The following CMSS1 variants were observed in gnomAD, a reference collection of about 807,000 sequenced individuals.
The protein encoded by CMSS1 is cms1 ribosomal small subunit homolog.
Under a neutral mutation model 43.5 loss-of-function variants are expected in CMSS1, and 33 were observed. That is an observed-to-expected ratio of 0.76 (90% CI 0.57 to 1.01). The LOEUF (loss-of-function observed/expected upper bound fraction) is 1.01, where lower values mean the gene tolerates loss of function less well. Ranked by LOEUF, CMSS1 falls within the 50% of genes least tolerant of loss-of-function variation. The pLI is 0.00. For synonymous variants in CMSS1, 115 were observed against 117.2 expected, an observed-to-expected ratio of 0.98 and a Z score of 0.12; for missense variants, 313 against 326.4, an observed-to-expected ratio of 0.96 and a Z score of 0.32.
chr3:99,883,202 A>G (rs1034594302), intron 1 of CMSS1, among the ~76,000 whole-genome samples: 1 of 152,236 alleles, frequency 6.6e-6, no homozygotes, highest in Non-Finnish European at 1.5e-5. Flanking sequence ...TCAGTGCCGA[A>G]CAGCTCCAGA....
chr3:100,010,739 T>A (rs569673211), intron 1 of CMSS1, among the ~76,000 whole-genome samples: 29 of 150,418 alleles, frequency 1.9e-4, no homozygotes, highest in African/African-American at 7.1e-4. Context: ...CTCAGCCTCC[T>A]GAGTAGCTGG....
intron 1 of CMSS1, among the ~76,000 whole-genome samples, chr3:99,833,874 T>C (rs1361238284): frequency 2.6e-5 from 4 of 152,268 alleles, no homozygotes; most frequent in African/African-American, 4.8e-5. Context: ...CCATGTGTTA[T>C]CAGAATTGAC....
chr3:99,879,418 A>T (rs905003291), intron 1 of CMSS1, among the ~76,000 whole-genome samples: 5 of 152,224 alleles, frequency 3.3e-5, no homozygotes, highest in Non-Finnish European at 5.9e-5. Flanking sequence ...CATAATTACA[A>T]CATCATCATT....
At chr3:99,989,067 A>C (rs1332756707) in intron 1 of CMSS1, among the ~76,000 whole-genome samples, 2 of 152,190 alleles carry the variant, frequency 1.3e-5, no homozygotes, top group African/African-American at 2.4e-5. Context: ...TCATAAACTT[A>C]CTTAGCATTT....
chr3:100,173,241 A>T (rs775193840), intron 8 of CMSS1, among the ~76,000 whole-genome samples: 1 of 152,178 alleles, frequency 6.6e-6, no homozygotes, highest in Non-Finnish European at 1.5e-5. Context: ...TTTTGTACAA[A>T]TACCAACAAC....
intron 1 of CMSS1, among the ~76,000 whole-genome samples, chr3:99,968,817 G>A (rs78933188): frequency 0.014 from 2,158 of 152,252 alleles, 30 homozygotes; most frequent in Non-Finnish European, 0.023. Flanking sequence ...CAGTGGCCAG[G>A]GCAGAATGAC....
chr3:99,915,187 A>G (rs976587687), intron 1 of CMSS1, among the ~76,000 whole-genome samples: 2 of 152,166 alleles, frequency 1.3e-5, no homozygotes, highest in African/African-American at 4.8e-5. Flanking sequence ...TCCCATGACC[A>G]TGCTAACCGA....
intron 1 of CMSS1, among the ~76,000 whole-genome samples, chr3:100,131,576 C>G (rs1239827864): frequency 6.6e-6 from 1 of 152,162 alleles, no homozygotes; most frequent in Non-Finnish European, 1.5e-5. Context: ...TCTACTGACC[C>G]CCATCCAGCC....
At chr3:100,012,279 A>G (rs1351970017) in intron 1 of CMSS1, among the ~76,000 whole-genome samples, 2 of 152,202 alleles carry the variant, frequency 1.3e-5, no homozygotes, top group Non-Finnish European at 1.5e-5. Context: ...TTGTCAACCA[A>G]TTAGAAGGCC....
At chr3:99,895,563 A>G (rs1028475666) in intron 1 of CMSS1, among the ~76,000 whole-genome samples, 3 of 152,188 alleles carry the variant, frequency 2.0e-5, no homozygotes, top group African/African-American at 4.8e-5. Context: ...TTAGTTCACA[A>G]TAGCATAACT....
At chr3:100,134,380 T>A (rs916971232) in intron 1 of CMSS1, among the ~76,000 whole-genome samples, 5 of 152,160 alleles carry the variant, frequency 3.3e-5, no homozygotes, top group African/African-American at 1.2e-4. Context: ...TTGCTCAGGA[T>A]CACAAAAATT....
intron 1 of CMSS1, among the ~76,000 whole-genome samples, chr3:99,862,027 T>C (rs1432549261): frequency 2.0e-5 from 3 of 152,158 alleles, no homozygotes; most frequent in Admixed American, 6.5e-5. Flanking sequence ...GCACAATACA[T>C]GTCCGTTCTC....
chr3:99,984,868 T>C (rs1196474507), intron 1 of CMSS1, among the ~76,000 whole-genome samples: 1 of 152,142 alleles, frequency 6.6e-6, no homozygotes, highest in Non-Finnish European at 1.5e-5. Flanking sequence ...CAAAGCACAG[T>C]ATATAGATAT....
At chr3:100,054,711 G>C (rs1224401133) in intron 1 of CMSS1, among the ~76,000 whole-genome samples, 1 of 152,092 alleles carries the variant, frequency 6.6e-6, no homozygotes, top group Non-Finnish European at 1.5e-5. Context: ...CCTCTGGGCT[G>C]CACTGTCTTT....
At chr3:100,036,878 G>C (rs1048701709) in intron 1 of CMSS1, among the ~76,000 whole-genome samples, 33 of 152,088 alleles carry the variant, frequency 2.2e-4, no homozygotes, top group Non-Finnish European at 4.3e-4. Flanking sequence ...AGAAAGATAC[G>C]TTATTTCTGT....
intron 1 of CMSS1, among the ~76,000 whole-genome samples, chr3:99,963,458 G>C (rs940294454): frequency 4.6e-5 from 7 of 152,298 alleles, no homozygotes; most frequent in Non-Finnish European, 7.3e-5. Flanking sequence ...GACGGTCTCT[G>C]TGGGTCCAAA....
intron 1 of CMSS1, among the ~76,000 whole-genome samples, chr3:100,058,642 A>C (rs2065506670): frequency 6.6e-6 from 1 of 152,166 alleles, no homozygotes. Context: ...TAAATTCCCA[A>C]GCACCTCACC....
chr3:99,934,683 A>C (rs1707601735), intron 1 of CMSS1, among the ~76,000 whole-genome samples: 1 of 152,152 alleles, frequency 6.6e-6, no homozygotes, highest in South Asian at 2.1e-4. Context: ...CCTGAGCTGC[A>C]ACAGAAGACT....
In CMSS1 at chr3:99,953,430, T is replaced by G. The variant is rs74493452; in HGVS notation, c.64+135387T>G. On this transcript the variant is annotated intron_variant, in intron 1 of 9. Transcript: ENST00000421999. ...GTGCAGAGGTTCTGAGGGTGCAGTT[T>G]GAGGTACAGATGCCTTTATGTCACT... 4.5e-3 allele frequency among the ~76,000 whole-genome samples: 685 copies of G among 152,300 alleles called. 7 individuals are homozygous for G. Among genetic ancestry groups the G allele is most frequent in the African/African-American group, 0.016 (671 of 41,556 alleles).
Sources: gnomAD v4.1 joint callset for allele counts (sites outside exome capture counted in the v4.1 genomes callset) on GRCh38, gnomAD v4.1.1 for gene constraint, MANE v1.5 for transcripts, NCBI Gene and HGNC (gene_info 2026-07-23, HGNC 2026-07-21) for gene names.